The following LINC00632 variants were observed in gnomAD, a reference collection of about 807,000 sequenced individuals.
The protein encoded by LINC00632 is long independently transcribed non-coding RNA 632.
rs891109319 is a variant in LINC00632, at chrX:140,751,057, A to G, written n.191+17093A>G. ...CGTAGATTGGTTTCATATTTTTGCAATTGTGAATTGTACTGCTATTAATAT... is the reference window on the plus strand; with the variant it reads ...CGTAGATTGGTTTCATATTTTTGCAGTTGTGAATTGTACTGCTATTAATAT... On this transcript the variant is annotated intron_variant and non_coding_transcript_variant, in intron 3 of 4. Transcript: ENST00000648200. 3.8e-4 allele frequency among the ~76,000 whole-genome samples: 42 copies of G among 111,547 alleles called. 1 individual carries two copies. The highest frequency in any genetic ancestry group is 1.9e-4 in the Admixed American group (2 of 10,430).
intron 3 of LINC00632, among the ~76,000 whole-genome samples, chrX:140,770,986 C>T (rs987050129): frequency 5.4e-5 from 6 of 111,640 alleles, no homozygotes; most frequent in African/African-American, 1.6e-4. Context: ...AACCTGGTTA[C>T]CCAGGAGTTA....
At chrX:140,732,384 A>G (rs1249556389) in intron 2 of LINC00632, among the ~76,000 whole-genome samples, 2 of 111,790 alleles carry the variant, frequency 1.8e-5, no homozygotes, top group Non-Finnish European at 3.8e-5. Flanking sequence ...TAAGAGACAT[A>G]CACATATATC....
intron 3 of LINC00632, among the ~76,000 whole-genome samples, chrX:140,755,868 G>A (rs755069457): frequency 2.0e-4 from 22 of 110,969 alleles, no homozygotes; most frequent in Non-Finnish European, 4.1e-4. Context: ...TTTTAGGGGG[G>A]TCAGATTGTC....
chrX:140,772,837 G>A (rs978767740), exon 4 of LINC00632, among the ~76,000 whole-genome samples: 3 of 112,000 alleles, frequency 2.7e-5, no homozygotes, highest in Non-Finnish European at 5.6e-5. Context: ...ATCTGCCAGT[G>A]AGCATCACAA....
chrX:140,756,954 G>A (rs1475897814), intron 3 of LINC00632, among the ~76,000 whole-genome samples: 1 of 111,622 alleles, frequency 9.0e-6, no homozygotes, highest in Non-Finnish European at 1.9e-5. Flanking sequence ...ATCCAAAAAT[G>A]TCTATAAATG....
intron 3 of LINC00632, among the ~76,000 whole-genome samples, chrX:140,759,618 C>A (rs1304244059): frequency 9.0e-6 from 1 of 111,057 alleles, no homozygotes; most frequent in Non-Finnish European, 1.9e-5. Context: ...GCCTCCCTCC[C>A]AAGTCACTGG....
At chrX:140,784,456 G>C in exon 5 of LINC00632, 1 of 1,064,819 alleles carries the variant, frequency 9.4e-7, no homozygotes, top group Non-Finnish European at 1.3e-6. Context: ...TATATCTCCA[G>C]GTCTTCCAGC....
At chrX:140,730,140 G>A (rs769422849) in intron 2 of LINC00632, among the ~76,000 whole-genome samples, 2 of 110,886 alleles carry the variant, frequency 1.8e-5, no homozygotes, top group African/African-American at 3.3e-5. Context: ...CTCCCAGTGC[G>A]CTGGGATTAC....
chrX:140,740,295 C>A (rs1295139023), intron 3 of LINC00632, among the ~76,000 whole-genome samples: 2 of 111,905 alleles, frequency 1.8e-5, no homozygotes, highest in Non-Finnish European at 3.8e-5. Context: ...TTAGTCTTAA[C>A]ATAATCAGTA....
intron 2 of LINC00632, chrX:140,712,279 T>C (rs758712954): frequency 9.2e-6 from 1 of 109,170 alleles, no homozygotes; most frequent in South Asian, 4.0e-4. Flanking sequence ...TTGTTGCAAA[T>C]TAAAATTAAG....
chrX:140,745,428 G>C (rs1448017815), intron 3 of LINC00632, among the ~76,000 whole-genome samples: 1 of 111,067 alleles, frequency 9.0e-6, no homozygotes. Context: ...CAATTTTGAG[G>C]CTTCTGTTAT....
chrX:140,774,026 G>C (rs1339730631), exon 4 of LINC00632, among the ~76,000 whole-genome samples: 2 of 112,348 alleles, frequency 1.8e-5, no homozygotes, highest in Non-Finnish European at 3.8e-5. Context: ...TCCTTCCAGT[G>C]GTAGAAGAAA....
At chrX:140,767,030 G>C (rs942172977) in intron 3 of LINC00632, among the ~76,000 whole-genome samples, 6 of 111,521 alleles carry the variant, frequency 5.4e-5, no homozygotes, top group African/African-American at 2.0e-4. Flanking sequence ...AAAGGTGGAG[G>C]CCTTCTTTTT....
intron 2 of LINC00632, among the ~76,000 whole-genome samples, chrX:140,725,296 C>T (rs1043741398): frequency 1.1e-5 from 1 of 90,071 alleles, no homozygotes; most frequent in Non-Finnish European, 2.1e-5. Context: ...CACACACATT[C>T]CATACGCACA....
At chrX:140,753,667 A>G (rs752272057) in intron 3 of LINC00632, among the ~76,000 whole-genome samples, 61 of 111,139 alleles carry the variant, frequency 5.5e-4, no homozygotes, top group African/African-American at 1.9e-3. Flanking sequence ...ACGTTATAAA[A>G]ATAATTTACC....
At chrX:140,750,509 T>C (rs1229107398) in intron 3 of LINC00632, among the ~76,000 whole-genome samples, 5 of 111,227 alleles carry the variant, frequency 4.5e-5, no homozygotes, top group South Asian at 3.8e-4. Flanking sequence ...TAAAATGTAA[T>C]ACATTTCACA....
At chrX:140,759,977 T>A (rs1377181968) in intron 3 of LINC00632, among the ~76,000 whole-genome samples, 1 of 111,884 alleles carries the variant, frequency 8.9e-6, no homozygotes, top group Non-Finnish European at 1.9e-5. Context: ...TTTTTTTCAT[T>A]CATTCAACAT....
chrX:140,719,862 G>A (rs1250810602), intron 2 of LINC00632, among the ~76,000 whole-genome samples: 1 of 108,986 alleles, frequency 9.2e-6, no homozygotes, highest in East Asian at 3.0e-4. Context: ...GGCCGAGGTA[G>A]GCGGATCACA....
chrX:140,774,685 G>C (rs1931850003), exon 5 of LINC00632, among the ~76,000 whole-genome samples: 1 of 111,940 alleles, frequency 8.9e-6, no homozygotes, highest in Non-Finnish European at 1.9e-5. Flanking sequence ...CACAAAGGAA[G>C]TTAATTGCCT....
Sources: allele counts gnomAD v4.1 joint callset (sites outside exome capture counted in the v4.1 genomes callset), GRCh38; gene constraint gnomAD v4.1.1; transcripts MANE v1.5; gene names NCBI Gene and HGNC (gene_info 2026-07-23, HGNC 2026-07-21).